Variants in NCK2 observed in about 807,000 individuals in gnomAD.
NCK2 encodes NCK adaptor protein 2, also known as cytoplasmic protein NCK2.
NCK2 carries 16 observed loss-of-function variants against 33.9 expected under a neutral mutation model. The observed-to-expected ratio is 0.47, with a 90% CI of 0.32 to 0.72. The LOEUF (loss-of-function observed/expected upper bound fraction) is 0.72, where lower values mean the gene tolerates loss of function less well. Ranked by LOEUF, NCK2 falls within the 30% of genes least tolerant of loss-of-function variation. The pLI, the probability that NCK2 is intolerant of heterozygous loss-of-function variation, is 0.03. For missense variants in NCK2, 418 were observed against 537.3 expected (o/e 0.78, Z 2.19); for synonymous variants, 273 against 239.9 (o/e 1.14, Z -1.27).
chr2:105,886,819 A>G (rs1678740023), intron 4 of NCK2, among the ~76,000 whole-genome samples: 1 of 152,230 alleles, frequency 6.6e-6, no homozygotes, highest in African/African-American at 2.4e-5. Context: ...GAAAGTGGAC[A>G]GGGAACGCTC....
chr2:105,796,189 C>G (rs1691076249), intron 1 of NCK2, among the ~76,000 whole-genome samples: 1 of 152,212 alleles, frequency 6.6e-6, no homozygotes. Context: ...TGGCCGCCCT[C>G]TGGGCACTGT....
intron 4 of NCK2, among the ~76,000 whole-genome samples, chr2:105,883,071 C>T (rs147252008): frequency 1.6e-3 from 246 of 152,070 alleles, no homozygotes; most frequent in African/African-American, 5.6e-3. Flanking sequence ...TCTTTGAGGA[C>T]GGAGCATCGT....
chr2:105,802,365 C>T (rs1188260625), intron 1 of NCK2, among the ~76,000 whole-genome samples: 2 of 152,184 alleles, frequency 1.3e-5, no homozygotes, highest in Admixed American at 1.3e-4. Flanking sequence ...CCATGGACAT[C>T]TGTCTTAGTC....
At chr2:105,766,412 C>T (rs941710852) in intron 1 of NCK2, among the ~76,000 whole-genome samples, 2 of 152,206 alleles carry the variant, frequency 1.3e-5, no homozygotes, top group Non-Finnish European at 1.5e-5. Context: ...TGGCCTCGAC[C>T]TCCTGAGCTC....
intron 1 of NCK2, among the ~76,000 whole-genome samples, chr2:105,806,836 T>TA (rs35823954): frequency 1.4e-3 from 214 of 151,486 alleles, no homozygotes; most frequent in African/African-American, 4.6e-3. Context: ...TTTACAAAAT[T>TA]AAAAAAAAAC....
chr2:105,806,028 CTGTG>C (rs1352889259), intron 1 of NCK2, among the ~76,000 whole-genome samples: 1 of 151,886 alleles, frequency 6.6e-6, no homozygotes, highest in Non-Finnish European at 1.5e-5. Context: ...GCTGGGTAAA[CTGTG>C]TTGTGTGCCT....
Position 105,866,474 on chromosome 2 carries a change from A to C in NCK2, c.226+11185A>C, listed in dbSNP as rs146237740. 4.2e-3 allele frequency among the ~76,000 whole-genome samples: 647 copies of C among 152,320 alleles called. 2 individuals are homozygous for C. Among genetic ancestry groups the C allele is most frequent in the African/African-American group, 0.014 (588 of 41,570 alleles). On this transcript the variant is annotated intron_variant, in intron 3 of 4. Coordinates refer to ENST00000233154, the MANE Select transcript of NCK2 (RefSeq NM_003581.5). Reference sequence around the variant, plus strand: ...ACTGGTTTCGTGGAAGACAGTTTTTACATGGATGGTGGCAGGAGGTGGGGG... The same window carrying C: ...ACTGGTTTCGTGGAAGACAGTTTTTCCATGGATGGTGGCAGGAGGTGGGGG...
chr2:105,833,767 A>G (rs1039751323), intron 2 of NCK2, among the ~76,000 whole-genome samples: 19 of 151,584 alleles, frequency 1.3e-4, no homozygotes, highest in Admixed American at 9.9e-4. Context: ...TGATCTTTCT[A>G]CTTTTTTGAT....
At chr2:105,766,564 C>A (rs12478567) in intron 1 of NCK2, among the ~76,000 whole-genome samples, 51,131 of 151,996 alleles carry the variant, frequency 0.34, 9,719 homozygotes, top group East Asian at 0.46. Context: ...CTTAAGGGAT[C>A]CTCCCACCTC....
At chr2:105,849,463 G>A (rs1171776297) in intron 2 of NCK2, among the ~76,000 whole-genome samples, 1 of 152,214 alleles carries the variant, frequency 6.6e-6, no homozygotes, top group Non-Finnish European at 1.5e-5. Context: ...CAGTGGAAAG[G>A]TGAATGAGGC....
rs753586078 is a variant in NCK2 at position 105,881,433 on chromosome 2, A to T, written c.332A>T (p.Asp111Val). The change falls in exon 4 of 5, where the codon GAC (aspartate) becomes GTC (valine). Residue 111 changes from aspartate to valine, a missense_variant. Asp to Val is a radical substitution (Grantham distance 152, BLOSUM62 -3). Coordinates refer to ENST00000233154, the MANE Select transcript of NCK2 (RefSeq NM_003581.5). Reference sequence around the variant, plus strand: ...GGCAGCGGCGCCGACCGCATCTACGACCTCAACATCCCGGCCTTCGTCAAG... The same window carrying T: ...GGCAGCGGCGCCGACCGCATCTACGTCCTCAACATCCCGGCCTTCGTCAAG... ...ANGSGADRIY[D>V]LNIPAFVKFA... is the part of the protein sequence containing the mutation. The T allele has an allele frequency of 4.8e-5, 77 of 1,613,286 alleles. No individual in the cohort carries two copies. The South Asian group carries it at 8.2e-4, about 17-fold the overall frequency.
intron 2 of NCK2, 152 bp from the exon 3 acceptor site, chr2:105,854,896 G>T: frequency 1.7e-6 from 1 of 593,006 alleles, no homozygotes; most frequent in South Asian, 2.3e-5. Flanking sequence ...GTTGAAAGAA[G>T]GTCATTTTAA....
intron 1 of NCK2, among the ~76,000 whole-genome samples, chr2:105,750,415 G>A (rs1421648896): frequency 6.6e-6 from 1 of 152,170 alleles, no homozygotes; most frequent in Non-Finnish European, 1.5e-5. Flanking sequence ...TTTACCATAT[G>A]AATTTAGGGT....
chr2:105,745,072 C>T lies in NCK2; in HGVS notation c.-267C>T, dbSNP rs1318370174. 1 of 146,956 alleles carries T rather than the reference C, an allele frequency of 6.8e-6. No individual in the cohort carries two copies. Among genetic ancestry groups the T allele is most frequent in the Non-Finnish European group, 1.5e-5 (1 of 66,052 alleles). The allele number at this position is 146,956 out of a possible 1,614,324, so 9.1% of individuals were successfully genotyped here. Reference sequence around the variant, plus strand: ...AGACAAAGAGCGGCGCCTGGGCGGGCGCAGCGCGGCCACCGCCCCGGGACC... The same window carrying T: ...AGACAAAGAGCGGCGCCTGGGCGGGTGCAGCGCGGCCACCGCCCCGGGACC... On this transcript the variant is annotated 5_prime_UTR_variant, in exon 1 of 5. Transcript: ENST00000233154.
upstream of NCK2, among the ~76,000 whole-genome samples, chr2:105,744,741 G>T (rs1689200887): frequency 6.7e-6 from 1 of 150,242 alleles, no homozygotes; most frequent in Admixed American, 6.6e-5. Flanking sequence ...GGTGGGTCTC[G>T]GGTCCCCGCC....
chr2:105,875,754 T>C (rs894149869), intron 3 of NCK2, among the ~76,000 whole-genome samples: 1 of 152,226 alleles, frequency 6.6e-6, no homozygotes, highest in Non-Finnish European at 1.5e-5. Context: ...GAAATAAATG[T>C]CTGTAATTTT....
chr2:105,884,267 C>T (rs1040675115), intron 4 of NCK2, among the ~76,000 whole-genome samples: 6 of 152,172 alleles, frequency 3.9e-5, no homozygotes, highest in African/African-American at 9.7e-5. Context: ...CCCCCGTCCC[C>T]ATGTGTTTTC....
chr2:105,787,711 G>A (rs1354640415), intron 1 of NCK2, among the ~76,000 whole-genome samples: 1 of 152,130 alleles, frequency 6.6e-6, no homozygotes, highest in East Asian at 1.9e-4. Context: ...GGTGACCACT[G>A]CACCTTCCCC....
chr2:105,841,391 A>G (rs908753538), intron 2 of NCK2, among the ~76,000 whole-genome samples: 2 of 152,158 alleles, frequency 1.3e-5, no homozygotes, highest in South Asian at 2.1e-4. Flanking sequence ...GGGTGTCACT[A>G]TAAAGGATAT....
Sources: allele counts gnomAD v4.1 joint callset (sites outside exome capture counted in the v4.1 genomes callset), GRCh38; gene constraint gnomAD v4.1.1; transcripts MANE v1.5; gene names NCBI Gene and HGNC (gene_info 2026-07-23, HGNC 2026-07-21).